Variants in PLA2G5 observed in about 807,000 individuals in gnomAD.
PLA2G5 encodes the protein Ca2+-dependent phospholipase A2.
A neutral mutation model predicts 15.9 loss-of-function variants in PLA2G5; 12 were observed. The observed-to-expected ratio is 0.76, with a 90% confidence interval of 0.48 to 1.23. PLA2G5 has a LOEUF of 1.23. Among genes scored for constraint, PLA2G5 ranks in the 50% most tolerant of loss-of-function variants. The pLI is 0.00. For synonymous variants in PLA2G5, 71 were observed against 71.4 expected, an observed-to-expected ratio of 0.99 and a Z score of 0.03; for missense variants, 169 against 177.1, an observed-to-expected ratio of 0.95 and a Z score of 0.26.
At position 20,074,583 on chromosome 1, in the gene PLA2G5, G is replaced by A. The variant is rs141117844; in HGVS notation, c.-11+4118G>A. 2.3e-4 allele frequency among the ~76,000 whole-genome samples: 35 copies of A among 152,154 alleles called. No homozygotes were observed. In the East Asian group the frequency reaches 6.6e-3, roughly 29 times the overall value. On this transcript the variant is annotated intron_variant, in intron 1 of 4. Transcript: ENST00000375108. Reference sequence around the variant, plus strand: ...ATTAAGTTCCTTTTCCTGAGAAGTCGAGCGGGGGCATATCCCACCCACTCA... The same window carrying A: ...ATTAAGTTCCTTTTCCTGAGAAGTCAAGCGGGGGCATATCCCACCCACTCA...
intron 1 of PLA2G5, among the ~76,000 whole-genome samples, chr1:20,073,120 C>T (rs1464041365): frequency 6.6e-6 from 1 of 151,916 alleles, no homozygotes; most frequent in East Asian, 1.9e-4. Flanking sequence ...AGGGTTTCTC[C>T]CTCCTCAAAA....
chr1:20,084,518 T>G (rs2016188374), intron 1 of PLA2G5, among the ~76,000 whole-genome samples: 1 of 152,222 alleles, frequency 6.6e-6, no homozygotes, highest in Non-Finnish European at 1.5e-5. Flanking sequence ...CTGCCCATTC[T>G]CTGGTCCCTT....
At chr1:20,071,174 T>C (rs981803707) in intron 1 of PLA2G5, among the ~76,000 whole-genome samples, 3 of 152,192 alleles carry the variant, frequency 2.0e-5, no homozygotes, top group Non-Finnish European at 2.9e-5. Context: ...GTGCATATGA[T>C]GGTAATATCT....
At chr1:20,049,847 G>A (rs1328881484) in intron 1 of PLA2G5, among the ~76,000 whole-genome samples, 6 of 151,940 alleles carry the variant, frequency 3.9e-5, no homozygotes, top group African/African-American at 1.5e-4. Flanking sequence ...CACCATTTTT[G>A]GTTTTCTCTC....
intron 1 of PLA2G5, among the ~76,000 whole-genome samples, chr1:20,050,654 T>C (rs2014136184): frequency 6.6e-6 from 1 of 152,236 alleles, no homozygotes; most frequent in Non-Finnish European, 1.5e-5. Flanking sequence ...TGCTGTTTTA[T>C]TAGGGTTTAT....
chr1:20,090,460 C>G (rs563260477), intron 4 of PLA2G5, 108 bp from the exon 5 acceptor site: 1 of 1,104,182 alleles, frequency 9.1e-7, no homozygotes, highest in East Asian at 2.4e-5. Flanking sequence ...GGAGCCATGC[C>G]TCTTCCATCA....
intron 1 of PLA2G5, among the ~76,000 whole-genome samples, chr1:20,054,080 CCTCCTCCATG>C (rs138247996): frequency 0.12 from 18,578 of 152,118 alleles, 1,346 homozygotes; most frequent in Admixed American, 0.23. Flanking sequence ...TCCACTTGGT[CCTCCTCCATG>C]CTCCTCCATG....
chr1:20,041,533 G>A (rs2013595655), intron 1 of PLA2G5, among the ~76,000 whole-genome samples: 1 of 152,186 alleles, frequency 6.6e-6, no homozygotes, highest in African/African-American at 2.4e-5. Flanking sequence ...GATGTCTAGG[G>A]AAGGGAGGGG....
At position 20,086,086 on chromosome 1, in the gene PLA2G5, T is replaced by C. The variant is rs1364138964; in HGVS notation, c.44T>C (p.Val15Ala). 1 of 1,613,918 alleles carries C rather than the reference T, an allele frequency of 6.2e-7. No homozygotes were observed. Among genetic ancestry groups the C allele is most frequent in the Non-Finnish European group, 8.5e-7 (1 of 1,179,996 alleles). The change falls in exon 3 of 5, where the codon GTG becomes GCG. Residue 15 changes from valine (V) to alanine (A), a missense_variant. Val to Ala is a moderately conservative substitution (Grantham distance 64). Coordinates refer to ENST00000375108, the MANE Select transcript of PLA2G5 (RefSeq NM_000929.3). ...GGGGACATGGGCTATCTTCCAGGTG[T>C]GCCTGCTGTGCAAGGAGGCTTGCTG... ...LPLAWFLACS[V>A]PAVQGGLLDL...
intron 1 of PLA2G5, among the ~76,000 whole-genome samples, chr1:20,055,576 AG>A (rs1275194535): frequency 1.1e-4 from 16 of 152,212 alleles, no homozygotes; most frequent in African/African-American, 3.9e-4. Context: ...AACCCCTTCT[AG>A]TAGACCTCTC....
intron 1 of PLA2G5, chr1:20,070,828 C>G (rs2015331098): frequency 6.6e-6 from 1 of 152,226 alleles, no homozygotes; most frequent in African/African-American, 2.4e-5. Context: ...AAACCACAGG[C>G]AAATATTCCC....
intron 1 of PLA2G5, among the ~76,000 whole-genome samples, chr1:20,083,218 CAG>C (rs1472105230): frequency 1.3e-5 from 2 of 151,904 alleles, no homozygotes; most frequent in African/African-American, 4.9e-5. Flanking sequence ...TCTTGGGATT[CAG>C]AGTTGCTGCT....
At chr1:20,076,355 C>T (rs2015679403) in intron 1 of PLA2G5, among the ~76,000 whole-genome samples, 1 of 152,136 alleles carries the variant, frequency 6.6e-6, no homozygotes, top group East Asian at 1.9e-4. Context: ...GAACACTGAA[C>T]CAACTTAACC....
intron 1 of PLA2G5, among the ~76,000 whole-genome samples, chr1:20,044,000 T>G (rs565942505): frequency 1.3e-5 from 2 of 152,244 alleles, no homozygotes; most frequent in East Asian, 3.9e-4. Flanking sequence ...TCAGAGAACT[T>G]TGGGCCAGAG....
In PLA2G5 at chr1:20,058,319, T is replaced by C. The variant is rs529445419; in HGVS notation, n.277-1313T>C. On this transcript the variant is annotated intron_variant and non_coding_transcript_variant, in intron 1 of 6. Transcript: ENST00000460175. ...TTTTGACACTCCGTTGTGAGGGGCA[T>C]ACACATTAAGGACTGTTATGTCTTC... Among the ~76,000 whole-genome samples the C allele has an allele frequency of 9.2e-5, 14 of 152,322 alleles. No individual in the cohort carries two copies. The Middle Eastern group carries it at 0.01, about 111-fold the overall frequency.
At chr1:20,041,777 C>A (rs746007120) in intron 1 of PLA2G5, among the ~76,000 whole-genome samples, 2 of 151,986 alleles carry the variant, frequency 1.3e-5, no homozygotes, top group Non-Finnish European at 1.5e-5. Context: ...GGGAAGAGAT[C>A]GATTGGTGGA....
chr1:20,032,010 G>C (rs1234173603), intron 1 of PLA2G5, among the ~76,000 whole-genome samples: 1 of 152,132 alleles, frequency 6.6e-6, no homozygotes, highest in Non-Finnish European at 1.5e-5. Flanking sequence ...GAGGATAAAG[G>C]GGCATTGTAC....
At chr1:20,081,250 G>A (rs1258871589) in intron 1 of PLA2G5, among the ~76,000 whole-genome samples, 1 of 151,724 alleles carries the variant, frequency 6.6e-6, no homozygotes, top group Non-Finnish European at 1.5e-5. Flanking sequence ...CCTGGCGCCC[G>A]CTTTGGGCTC....
chr1:20,038,534 A>G (rs940064159), intron 1 of PLA2G5, among the ~76,000 whole-genome samples: 3 of 152,166 alleles, frequency 2.0e-5, no homozygotes, highest in Non-Finnish European at 4.4e-5. Context: ...ATCCTTCTGT[A>G]ATCCCAGCAC....
Sources: gnomAD v4.1 joint callset for allele counts (sites outside exome capture counted in the v4.1 genomes callset) on GRCh38, gnomAD v4.1.1 for gene constraint, MANE v1.5 for transcripts, NCBI Gene and HGNC (gene_info 2026-07-23, HGNC 2026-07-21) for gene names.